Variants in NLRC4 observed in about 807,000 individuals in gnomAD.
The protein encoded by NLRC4 is NLR family CARD domain containing 4, also known as NLR family CARD domain-containing protein 4.
In NLRC4, 63 loss-of-function variants were observed where a neutral mutation model predicts 79.9. The observed-to-expected ratio is 0.79, with a 90% confidence interval of 0.64 to 0.97. The LOEUF is 0.97. NLRC4 is among the 50% of genes least tolerant of loss of function. NLRC4 has a pLI of 0.00. For missense variants in NLRC4, 1,074 were observed against 1,215.2 expected (o/e 0.88, Z 1.73); for synonymous variants, 461 against 456.5 (o/e 1.01, Z -0.12).
At chr2:32,238,665 G>GT (rs1235055551) in intron 5 of NLRC4, among the ~76,000 whole-genome samples, 1 of 22,316 alleles carries the variant, frequency 4.5e-5, no homozygotes, top group Non-Finnish European at 1.1e-4. Flanking sequence ...CTTAAACAGC[G>GT]GGGGGGCTGA....
chr2:32,246,521 G>C (rs1448180644), intron 4 of NLRC4, among the ~76,000 whole-genome samples: 1 of 152,216 alleles, frequency 6.6e-6, no homozygotes, highest in Non-Finnish European at 1.5e-5. Context: ...GCTAGCGTTT[G>C]AAAACTAACC....
At chr2:32,237,125 G>C (rs964060737) in intron 6 of NLRC4, among the ~76,000 whole-genome samples, 4 of 152,138 alleles carry the variant, frequency 2.6e-5, no homozygotes, top group Non-Finnish European at 5.9e-5. Flanking sequence ...GAATTGCTTA[G>C]TGCTTTTCTT....
intron 1 of NLRC4, among the ~76,000 whole-genome samples, chr2:32,263,301 C>T (rs771069661): frequency 1.5e-4 from 23 of 152,138 alleles, no homozygotes; most frequent in Non-Finnish European, 2.9e-4. Flanking sequence ...TTAGCCTTTC[C>T]GAATCTTGCT....
chr2:32,263,255 T>A (rs925470195), intron 1 of NLRC4, among the ~76,000 whole-genome samples: 2 of 152,222 alleles, frequency 1.3e-5, no homozygotes, highest in Non-Finnish European at 2.9e-5. Context: ...ATCCTCACTC[T>A]GCACCTTATG....
intron 4 of NLRC4, among the ~76,000 whole-genome samples, chr2:32,248,418 A>C (rs1426501440): frequency 6.6e-6 from 1 of 152,240 alleles, no homozygotes; most frequent in Non-Finnish European, 1.5e-5. Context: ...CATAGAGATC[A>C]TAAGACTAAC....
chr2:32,246,176 C>A (rs1214682842), intron 4 of NLRC4, among the ~76,000 whole-genome samples: 1 of 151,836 alleles, frequency 6.6e-6, no homozygotes, highest in African/African-American at 2.4e-5. Flanking sequence ...AGAGTGAGAC[C>A]CTGTCTCAAA....
chr2:32,249,064 T>C (rs1290965993), intron 4 of NLRC4, among the ~76,000 whole-genome samples: 1 of 152,202 alleles, frequency 6.6e-6, no homozygotes, highest in Non-Finnish European at 1.5e-5. Context: ...CTTTGTGCTC[T>C]GAAAAGAACT....
Position 32,249,725 on chromosome 2 carries a change from G to A in NLRC4, c.2139C>T (p.Asn713=), listed in dbSNP as rs764406348. Residue 713 remains asparagine (N), a synonymous_variant, in exon 4 of 9, where the codon AAC becomes AAT. Transcript: ENST00000402280. ...TGGCTTCCACCATGAGAGAATAAAT[G>A]TTCTTACAGGTGCTGAGGACCAAAC... The part of the protein sequence containing the change: ...SLSLVLSTCK[N]IYSLMVEASP... 5.6e-6 allele frequency: 9 copies of A among 1,614,166 alleles called. No individual in the cohort carries two copies. In the East Asian group the frequency reaches 1.6e-4, roughly 28 times the overall value.
In NLRC4 at chr2:32,238,000, T is replaced by A. The variant is rs199476295; in HGVS notation, c.2521+132A>T. ...AAATCATTAAAAACAATCTGCTTAT[T>A]ATCGAGAAGTTTTTATTTTCCAGTT... On this transcript the variant is annotated intron_variant, in intron 6 of 8. Coordinates refer to ENST00000402280, the MANE Select transcript of NLRC4 (RefSeq NM_001199138.2). 119 of 593,372 alleles carry A rather than the reference T, an allele frequency of 2.0e-4. 1 individual carries two copies. The African/African-American group carries it at 2.1e-3, about 11-fold the overall frequency. 36.8% of individuals were successfully genotyped at this position (593,372 alleles called of 1,614,324 possible). A position where few individuals can be genotyped will look rare whatever the true frequency, so the allele number is the denominator to read the frequency against.
chr2:32,262,935 A>G (rs1687386247), intron 1 of NLRC4, among the ~76,000 whole-genome samples: 2 of 150,890 alleles, frequency 1.3e-5, no homozygotes, highest in African/African-American at 2.4e-5. Context: ...ATAATAATAT[A>G]TATTATATAT....
Position 32,256,848 on chromosome 2 carries a change from G to T in NLRC4, c.-73C>A. The T allele has an allele frequency of 2.6e-6, 2 of 772,728 alleles. No homozygotes were observed. Among genetic ancestry groups the T allele is most frequent in the Non-Finnish European group, 4.8e-6 (2 of 414,190 alleles). The allele number at this position is 772,728 out of a possible 1,614,324, so 47.9% of individuals were successfully genotyped here. ...TTATTTCCAAATGGAAAGGTCAAAG[G>T]TGATCCCAATATTGTCCTCTTTTTT... On this transcript the variant is annotated 5_prime_UTR_variant, in exon 2 of 9. Transcript: ENST00000402280.
rs1687215934 is a variant in NLRC4, at chr2:32,256,756, T to G, written c.1+19A>C. The G allele has an allele frequency of 1.3e-6, 1 of 780,830 alleles. No individual in the cohort carries two copies. Among genetic ancestry groups the G allele is most frequent in the Admixed American group, 1.7e-5 (1 of 58,990 alleles). The allele number at this position is 780,830 out of a possible 1,614,324, so 48.4% of individuals were successfully genotyped here. A position where few individuals can be genotyped will look rare whatever the true frequency, so the allele number is the denominator to read the frequency against. On this transcript the variant is annotated intron_variant, in intron 2 of 8. Coordinates refer to ENST00000402280, the MANE Select transcript of NLRC4 (RefSeq NM_001199138.2). ...AGCAGACTGTATAACCAGGCAGATGTTATTTCTCATATACTTACTTGTTCT... is the reference window on the plus strand; with the variant it reads ...AGCAGACTGTATAACCAGGCAGATGGTATTTCTCATATACTTACTTGTTCT...
chr2:32,251,707 T>G (rs1687082980), intron 3 of NLRC4, 106 bp from the exon 4 acceptor site: 1 of 738,160 alleles, frequency 1.4e-6, no homozygotes, highest in Non-Finnish European at 2.3e-6. Context: ...CTGCCATTGG[T>G]GAATGTAATG....
At chr2:32,228,702 C>T (rs774577682) in intron 8 of NLRC4, among the ~76,000 whole-genome samples, 2 of 151,750 alleles carry the variant, frequency 1.3e-5, no homozygotes, top group African/African-American at 4.8e-5. Flanking sequence ...GGGATCTATA[C>T]AGCAGAATGA....
chr2:32,255,733 G>A (rs1227165915), intron 2 of NLRC4, among the ~76,000 whole-genome samples: 1 of 151,894 alleles, frequency 6.6e-6, no homozygotes, highest in Non-Finnish European at 1.5e-5. Context: ...TTGGAAAAGT[G>A]GCTAGGCGTG....
At position 32,238,313 on chromosome 2, in the gene NLRC4, A is replaced by G. The variant is rs1686718751; in HGVS notation, c.2351-11T>C. On this transcript the variant is annotated splice_polypyrimidine_tract_variant and intron_variant, in intron 5 of 8. Transcript: ENST00000402280. The stretch of plus-strand genomic sequence containing the variant: ...TTTTCAGGCCTTCAGCTGAAAAATG[A>G]TAGAAAGGAATGCATTAGGATACCA... 6.2e-7 allele frequency: 1 copy of G among 1,604,698 alleles called. No homozygotes were observed. Among genetic ancestry groups the G allele is most frequent in the Non-Finnish European group, 8.5e-7 (1 of 1,175,102 alleles).
At chr2:32,260,811 C>A (rs901473250) in intron 1 of NLRC4, among the ~76,000 whole-genome samples, 2 of 152,120 alleles carry the variant, frequency 1.3e-5, no homozygotes, top group Admixed American at 6.6e-5. Flanking sequence ...CCGGCTTCTT[C>A]GTGCGCTATG....
rs57570626 is a variant in NLRC4 at position 32,259,262 on chromosome 2, A to ATTTTTTTTTT, written c.-118-2379_-118-2370dup. 4.2e-4 allele frequency among the ~76,000 whole-genome samples: 22 copies of ATTTTTTTTTT among 52,896 alleles called. 3 individuals are homozygous for ATTTTTTTTTT. The highest frequency in any genetic ancestry group is 1.0e-3 in the African/African-American group (11 of 10,700). 34.7% of individuals were successfully genotyped at this position (52,896 alleles called of 152,430 possible). On this transcript the variant is annotated intron_variant, in intron 1 of 8. Coordinates refer to ENST00000402280, the MANE Select transcript of NLRC4 (RefSeq NM_001199138.2). ...AGGTGTGTGCCACCATGCCTGGCTA[A>ATTTTTTTTTT]TTTTTTTTTTTTTTTTTTTTTTTTT...
chr2:32,261,437 G>A (rs541511709), intron 1 of NLRC4, among the ~76,000 whole-genome samples: 18 of 148,052 alleles, frequency 1.2e-4, no homozygotes, highest in Admixed American at 6.1e-4. Context: ...TCAGCCTCCC[G>A]AGTAGCTGGG....
Sources: allele counts gnomAD v4.1 joint callset (sites outside exome capture counted in the v4.1 genomes callset), GRCh38; gene constraint gnomAD v4.1.1; transcripts MANE v1.5; gene names NCBI Gene and HGNC (gene_info 2026-07-23, HGNC 2026-07-21).